The following SASH1 variants were observed in gnomAD, a reference collection of about 807,000 sequenced individuals.
SASH1 encodes the protein SAM and SH3 domain containing 1.
In SASH1, 44 loss-of-function variants were observed where a neutral mutation model predicts 125.2. The ratio of observed to expected loss-of-function variants is 0.35; its 90% confidence interval spans 0.28 to 0.45. The LOEUF (loss-of-function observed/expected upper bound fraction) is 0.45. SASH1 is among the 20% of genes least tolerant of loss of function. The pLI, the probability that SASH1 is intolerant of heterozygous loss-of-function variation, is 1.00. For missense variants in SASH1, 1,426 were observed against 1,614.5 expected (o/e 0.88, Z 2.00); for synonymous variants, 639 against 649.1 (o/e 0.98, Z 0.24).
At chr6:148,483,764 T>C (rs994720809) in intron 7 of SASH1, among the ~76,000 whole-genome samples, 2 of 152,178 alleles carry the variant, frequency 1.3e-5, no homozygotes, top group African/African-American at 4.8e-5. Flanking sequence ...GATATTCTTA[T>C]AAAGTCATTA....
chr6:148,531,382 AAGAGG>A, intron 12 of SASH1, 139 bp from the exon 13 acceptor site: 1 of 621,592 alleles, frequency 1.6e-6, no homozygotes, highest in Non-Finnish European at 2.4e-6. Context: ...ATGTAAGTTT[AAGAGG>A]AGGAGAATAT....
intron 10 of SASH1, among the ~76,000 whole-genome samples, chr6:148,521,226 G>A (rs1227309456): frequency 1.3e-5 from 2 of 152,248 alleles, no homozygotes; most frequent in African/African-American, 2.4e-5. Context: ...AAGTGAGGAA[G>A]TAGATTTCTT....
At chr6:148,310,201 A>C (rs1780261663) in intron 1 of SASH1, among the ~76,000 whole-genome samples, 1 of 152,128 alleles carries the variant, frequency 6.6e-6, no homozygotes, top group Admixed American at 6.6e-5. Context: ...GCGTGCCTGT[A>C]GTCCCAGCTA....
the SASH1 span, among the ~76,000 whole-genome samples, chr6:148,251,445 T>C: frequency 2.8e-3 from 419 of 152,296 alleles, 4 homozygotes; most frequent in African/African-American, 9.6e-3. Context: ...ATTACTTGCT[T>C]ACCGAAACCT....
At chr6:148,290,048 A>C (rs1779588197) in intron 1 of SASH1, among the ~76,000 whole-genome samples, 1 of 151,374 alleles carries the variant, frequency 6.6e-6, no homozygotes, top group East Asian at 2.0e-4. Context: ...TTGTATTTCT[A>C]GTAGAGAAGG....
the SASH1 span, among the ~76,000 whole-genome samples, chr6:148,258,378 A>C: frequency 6.6e-6 from 1 of 152,192 alleles, no homozygotes; most frequent in Non-Finnish European, 1.5e-5. Context: ...ACCAGGCTGC[A>C]CTAAGCAATT....
Position 148,548,741 on chromosome 6 carries a change from C to A in SASH1, c.*183C>A. 1 of 579,568 alleles carries A rather than the reference C, an allele frequency of 1.7e-6. No homozygotes were observed. Among genetic ancestry groups the A allele is most frequent in the Non-Finnish European group, 2.8e-6 (1 of 351,164 alleles). The allele number at this position is 579,568 out of a possible 1,614,324, so 35.9% of individuals were successfully genotyped here. On this transcript the variant is annotated 3_prime_UTR_variant, in exon 20 of 20. Coordinates refer to ENST00000367467, the MANE Select transcript of SASH1 (RefSeq NM_015278.5). ...ATCCTCTCCTCCAGAAAAGCCCCCT[C>A]GAGGAAATAAATTAGTGCGGTTCTC...
rs183168717 is a variant in SASH1 at position 148,435,702 on chromosome 6, A to G, written c.286-4482A>G. 2.3e-3 allele frequency among the ~76,000 whole-genome samples: 350 copies of G among 152,340 alleles called. 2 individuals carry two copies. Among genetic ancestry groups the G allele is most frequent in the African/African-American group, 7.7e-3 (322 of 41,580 alleles). On this transcript the variant is annotated intron_variant, in intron 2 of 19. Transcript: ENST00000367467. ...TGATGTCTGGGATTTTCTTCAAAGTAAAATGAGATGAACATGAAGTAACAG... is the reference window on the plus strand; with the variant it reads ...TGATGTCTGGGATTTTCTTCAAAGTGAAATGAGATGAACATGAAGTAACAG...
rs1433382876 is a variant in SASH1, at chr6:148,532,597, C to T, written c.1565-200C>T. On this transcript the variant is annotated intron_variant, in intron 13 of 19. Transcript: ENST00000367467. The surrounding 1 kb of genome is among the most constrained non-coding windows in gnomAD (Gnocchi z 4.7). ...GTCATGAGGGTAACTTGCTGTGAGT[C>T]CCCTGTCCACTGAGGAGCTGAGGGA... Among the ~76,000 whole-genome samples, 1 of 152,166 alleles carries T rather than the reference C, an allele frequency of 6.6e-6. No individual in the cohort carries two copies. Among genetic ancestry groups the T allele is most frequent in the East Asian group, 1.9e-4 (1 of 5,194 alleles).
chr6:148,509,742 A>G (rs184367602), intron 8 of SASH1, among the ~76,000 whole-genome samples: 119 of 152,384 alleles, frequency 7.8e-4, no homozygotes, highest in African/African-American at 2.6e-3. Flanking sequence ...TACTTGGAGC[A>G]GGGAGAGGAT....
rs529951974 is a variant in SASH1, at chr6:148,546,127, G to A, written c.3461G>A (p.Arg1154Gln). The A allele has an allele frequency of 2.2e-4, 360 of 1,614,160 alleles. 4 individuals carry two copies. The South Asian group carries it at 3.1e-3, about 14-fold the overall frequency. The change falls in exon 19 of 20, where the codon CGG (arginine) becomes CAG (glutamine). Residue 1154 changes from arginine (R) to glutamine (Q), a missense_variant. Arg to Gln is a conservative substitution (Grantham distance 43). This residue lies in a region of SASH1 where 634 missense variants were observed against 694.4 expected (regional missense o/e 0.91). Transcript: ENST00000367467. ...NMDQIRVKQL[R>Q]KQHRMAIPSG... ...GACCAGATCCGGGTGAAGCAGCTTC[G>A]GAAGCAGCACCGCATGGCGGTGAGC...
At position 148,543,976 on chromosome 6, in the gene SASH1, C is replaced by T. The variant is rs767213755; in HGVS notation, c.2506C>T (p.Arg836Ter). The change falls in exon 18 of 20, where the codon CGA becomes TGA. Residue 836 changes from arginine to a stop codon, truncating the protein, a stop_gained. Coordinates refer to ENST00000367467, the MANE Select transcript of SASH1 (RefSeq NM_015278.5). LOFTEE classifies it high-confidence loss of function. ...EGPQTVDTWP[R>*]SHSLDDLQVE... is the part of the protein sequence containing the mutation. ...CCCCCAGACTGTGGACACTTGGCCC[C>T]GATCCCATTCCCTGGATGACCTTCA... The T allele has an allele frequency of 1.2e-6, 2 of 1,614,086 alleles. No individual in the cohort carries two copies. The highest frequency in any genetic ancestry group is 1.7e-6 in the Non-Finnish European group (2 of 1,180,024).
chr6:148,511,256 A>C (rs1780108183), intron 8 of SASH1, among the ~76,000 whole-genome samples: 1 of 151,060 alleles, frequency 6.6e-6, no homozygotes, highest in African/African-American at 2.4e-5. Context: ...TGGATGCAGC[A>C]ATACATTCTT....
At chr6:148,278,538 T>A (rs918889840) in intron 1 of SASH1, 4 of 152,062 alleles carry the variant, frequency 2.6e-5, no homozygotes, top group Non-Finnish European at 4.4e-5. Context: ...TACTTTTAAA[T>A]TTAATTTAAA....
the SASH1 span, among the ~76,000 whole-genome samples, chr6:148,201,849 A>C: frequency 1.5e-4 from 23 of 152,162 alleles, no homozygotes; most frequent in African/African-American, 5.3e-4. Context: ...ATGTGCTTGA[A>C]CATAAAGGGT....
chr6:148,482,924 A>G (rs1257280981), intron 7 of SASH1, among the ~76,000 whole-genome samples: 1 of 151,916 alleles, frequency 6.6e-6, no homozygotes, highest in African/African-American at 2.4e-5. Context: ...CCTGACCTCA[A>G]GTGATCCACC....
intron 2 of SASH1, among the ~76,000 whole-genome samples, chr6:148,403,435 T>A (rs1404246645): frequency 1.3e-5 from 2 of 148,710 alleles, no homozygotes. Flanking sequence ...AATTACAACA[T>A]ACATTCATTG....
At position 148,486,936 on chromosome 6, in the gene SASH1, AATATATATATATATAT is replaced by A. The variant is rs68036618; in HGVS notation, c.628-635_628-620del. On this transcript the variant is annotated intron_variant, in intron 7 of 19. Transcript: ENST00000367467. ...AGACCCTGTCTCAACAACAACAACA[AATATATATATATATAT>A]ATATATATATATATATATATATATA... is the stretch of plus-strand genomic sequence containing the variant. 3.0e-3 allele frequency among the ~76,000 whole-genome samples: 183 copies of A among 62,010 alleles called. 3 individuals are homozygous for A. Among genetic ancestry groups the A allele is most frequent in the African/African-American group, 8.2e-3 (99 of 12,002 alleles). The allele number at this position is 62,010 out of a possible 152,430, so 40.7% of individuals were successfully genotyped here.
chr6:148,408,967 G>A (rs917314428), intron 2 of SASH1, among the ~76,000 whole-genome samples: 2 of 152,020 alleles, frequency 1.3e-5, no homozygotes, highest in African/African-American at 4.8e-5. Flanking sequence ...TTTTTTGCCC[G>A]CTACACTTGT....
Sources: allele counts gnomAD v4.1 joint callset (sites outside exome capture counted in the v4.1 genomes callset), GRCh38; gene constraint gnomAD v4.1.1; regional missense constraint gnomAD v4.1.1; non-coding constraint Gnocchi (gnomAD v3.1); transcripts MANE v1.5; gene names NCBI Gene and HGNC (gene_info 2026-07-23, HGNC 2026-07-21).